Variants in LCP1 observed in about 807,000 individuals in gnomAD.
The protein encoded by LCP1 is lymphocyte cytosolic protein 1.
A neutral mutation model predicts 72.0 loss-of-function variants in LCP1; 23 were observed. That is an observed-to-expected ratio of 0.32 (90% CI 0.23 to 0.45). The LOEUF (loss-of-function observed/expected upper bound fraction) is 0.45, where lower values mean the gene tolerates loss of function less well. Ranked by LOEUF, LCP1 falls within the 20% of genes least tolerant of loss-of-function variation. The pLI is 1.00. For synonymous variants in LCP1, 245 were observed against 275.4 expected, an observed-to-expected ratio of 0.89 and a Z score of 1.09; for missense variants, 571 against 748.3, an observed-to-expected ratio of 0.76 and a Z score of 2.76.
At chr13:46,138,093 G>C (rs2045675376) in intron 13 of LCP1, among the ~76,000 whole-genome samples, 1 of 152,170 alleles carries the variant, frequency 6.6e-6, no homozygotes, top group South Asian at 2.1e-4. Flanking sequence ...CTGGCAGCCT[G>C]CTTGCTTCAA....
intron 15 of LCP1, among the ~76,000 whole-genome samples, chr13:46,128,562 T>C (rs111415791): frequency 0.023 from 3,422 of 151,994 alleles, 61 homozygotes; most frequent in Admixed American, 0.043. Context: ...CGTGCCACTG[T>C]AGTCCAGCCT....
At position 46,145,321 on chromosome 13, in the gene LCP1, T is replaced by G. The variant is rs187897803; in HGVS notation, c.1175-801A>C. 1.1e-3 allele frequency among the ~76,000 whole-genome samples: 164 copies of G among 152,298 alleles called. 1 individual carries two copies. Among genetic ancestry groups the G allele is most frequent in the Middle Eastern group, 3.4e-3 (1 of 294 alleles). On this transcript the variant is annotated intron_variant, in intron 10 of 15. Transcript: ENST00000323076. ...GAATCACTGAAAGGCGATATGCATT[T>G]GAATTAAACACGGCAGAGGACAGAG...
In LCP1 at chr13:46,175,402, A is replaced by G. The variant is rs1333105499; in HGVS notation, c.-25+6709T>C. ...CTCCAGAGACTTGCTCAGCCTCCACATTTACCAAGAGCCCAGAATATAAAT... is the reference window on the plus strand; with the variant it reads ...CTCCAGAGACTTGCTCAGCCTCCACGTTTACCAAGAGCCCAGAATATAAAT... On this transcript the variant is annotated intron_variant, in intron 1 of 15. Coordinates refer to ENST00000323076, the MANE Select transcript of LCP1 (RefSeq NM_002298.5). 3.3e-5 allele frequency among the ~76,000 whole-genome samples: 5 copies of G among 152,176 alleles called. No homozygotes were observed. The East Asian group carries it at 9.6e-4, about 29-fold the overall frequency.
intron 13 of LCP1, among the ~76,000 whole-genome samples, chr13:46,140,745 G>C (rs1255992942): frequency 1.3e-5 from 2 of 152,116 alleles, no homozygotes; most frequent in Admixed American, 6.5e-5. Flanking sequence ...TAAAGGAAAG[G>C]ACAGCTATGG....
At chr13:46,144,577 G>T (rs899192229) in intron 10 of LCP1, 57 bp from the exon 11 acceptor site, 3 of 1,230,618 alleles carry the variant, frequency 2.4e-6, no homozygotes, top group South Asian at 2.4e-5. Context: ...GCTTTTTTAT[G>T]ACCAAAGTTT....
chr13:46,142,324 G>A lies in LCP1; in HGVS notation c.1470C>T (p.Leu490=). 2 of 1,613,972 alleles carry A rather than the reference G, an allele frequency of 1.2e-6. No homozygotes were observed. ...GQDLNEGNRT[L]TLALIWQLMR... is the part of the protein sequence containing the mutation. ...TTAGCTGCCAAATCAAGGCCAGTGT[G>A]AGAGTGCGGTTTCCTTCATTGAGAT... Residue 490 remains leucine, a synonymous_variant, in exon 13 of 16, where the codon CTC becomes CTT. Transcript: ENST00000323076.
chr13:46,179,450 A>C (rs1486513303), intron 1 of LCP1, among the ~76,000 whole-genome samples: 1 of 152,212 alleles, frequency 6.6e-6, no homozygotes, highest in African/African-American at 2.4e-5. Context: ...ATGGAGAAGG[A>C]GCTCAGGTCT....
chr13:46,153,318 T>C (rs891791644), intron 6 of LCP1: 21 of 158,118 alleles, frequency 1.3e-4, no homozygotes, highest in Middle Eastern at 3.2e-3. Context: ...GTCCTGTCAC[T>C]GGCCATCATG....
intron 15 of LCP1, among the ~76,000 whole-genome samples, chr13:46,128,564 G>C (rs948131474): frequency 2.6e-5 from 4 of 151,856 alleles, no homozygotes; most frequent in Admixed American, 2.6e-4. Context: ...TGCCACTGTA[G>C]TCCAGCCTGG....
Position 46,155,885 on chromosome 13 carries a change from A to G in LCP1, c.491+553T>C, listed in dbSNP as rs1216093281. ...CTTCTTCCATCATCCTGCTGCTATT[A>G]TCAATTCTATCTGCTTTCATGGTGA... On this transcript the variant is annotated intron_variant, in intron 5 of 15. Transcript: ENST00000323076. 2.6e-5 allele frequency among the ~76,000 whole-genome samples: 4 copies of G among 152,300 alleles called. No homozygotes were observed. The South Asian group carries it at 8.3e-4, about 32-fold the overall frequency.
chr13:46,161,175 A>C (rs2045835924), intron 1 of LCP1, among the ~76,000 whole-genome samples: 2 of 152,084 alleles, frequency 1.3e-5, no homozygotes, highest in South Asian at 4.1e-4. Flanking sequence ...ACATGTAAGC[A>C]AACAAATAAA....
At chr13:46,172,651 CG>C (rs1258525771) in intron 1 of LCP1, among the ~76,000 whole-genome samples, 11 of 152,246 alleles carry the variant, frequency 7.2e-5, no homozygotes, top group African/African-American at 2.2e-4. Flanking sequence ...GCGTGCTGCT[CG>C]TTCTCACTAG....
At chr13:46,137,312 C>T (rs9590945) in intron 13 of LCP1, among the ~76,000 whole-genome samples, 41,231 of 151,606 alleles carry the variant, frequency 0.27, 6,398 homozygotes, top group African/African-American at 0.4. Context: ...CCGAGGCGGG[C>T]GGATCACCTG....
intron 10 of LCP1, among the ~76,000 whole-genome samples, chr13:46,145,116 A>G (rs908440066): frequency 3.3e-5 from 5 of 152,340 alleles, no homozygotes; most frequent in African/African-American, 9.6e-5. Flanking sequence ...GTACAGCCCA[A>G]TGAGATAAGC....
At chr13:46,167,759 C>A (rs796609170) in intron 1 of LCP1, among the ~76,000 whole-genome samples, 4 of 152,266 alleles carry the variant, frequency 2.6e-5, no homozygotes, top group South Asian at 4.1e-4. Context: ...TCTTTCACTC[C>A]ATATATGTGT....
intron 15 of LCP1, among the ~76,000 whole-genome samples, chr13:46,130,329 A>T (rs1180046288): frequency 6.6e-6 from 1 of 152,258 alleles, no homozygotes; most frequent in Non-Finnish European, 1.5e-5. Flanking sequence ...AACTTTGTTT[A>T]GAAAAGCAGA....
intron 12 of LCP1, chr13:46,142,896 T>C: frequency 2.6e-6 from 1 of 391,224 alleles, no homozygotes; most frequent in South Asian, 1.9e-5. Flanking sequence ...GTGTCAACCC[T>C]GTTGTTTCAA....
intron 1 of LCP1, among the ~76,000 whole-genome samples, chr13:46,178,354 C>T (rs1385623942): frequency 1.3e-5 from 2 of 152,000 alleles, no homozygotes; most frequent in East Asian, 3.9e-4. Flanking sequence ...TTGAAACTGA[C>T]AAACCAAAAC....
chr13:46,146,544 G>A (rs1472077766), intron 10 of LCP1, among the ~76,000 whole-genome samples: 2 of 152,100 alleles, frequency 1.3e-5, no homozygotes, highest in Admixed American at 6.5e-5. Flanking sequence ...TCATTTTTTG[G>A]AAATGGATGG....
Sources: allele counts gnomAD v4.1 joint callset (sites outside exome capture counted in the v4.1 genomes callset), GRCh38; gene constraint gnomAD v4.1.1; transcripts MANE v1.5; gene names NCBI Gene and HGNC (gene_info 2026-07-23, HGNC 2026-07-21).